APP: variants seen among roughly 807,000 people sequenced by gnomAD.
APP encodes the protein amyloid-beta precursor protein.
A neutral mutation model predicts 101.4 loss-of-function variants in APP; 31 were observed. That is an observed-to-expected ratio of 0.31 (90% CI 0.23 to 0.41). The LOEUF is 0.41. APP is among the 10% of genes least tolerant of loss of function. APP has a pLI of 1.00. For missense variants in APP, 839 were observed against 1,003.7 expected (o/e 0.84, Z 2.22); for synonymous variants, 366 against 364.4 (o/e 1.00, Z -0.05).
At chr21:26,052,057 T>A (rs1213039256) in intron 4 of APP, among the ~76,000 whole-genome samples, 1 of 152,238 alleles carries the variant, frequency 6.6e-6, no homozygotes, top group Non-Finnish European at 1.5e-5. Context: ...CATTTTTACA[T>A]AAAAAACATT....
intron 6 of APP, among the ~76,000 whole-genome samples, chr21:26,017,965 G>A (rs1055377056): frequency 1.3e-5 from 2 of 152,010 alleles, no homozygotes; most frequent in African/African-American, 2.4e-5. Flanking sequence ...ATTTTTTTGA[G>A]ACAGGGTCCC....
chr21:25,917,261 CAAAA>C (rs397867177), intron 13 of APP, among the ~76,000 whole-genome samples: 6 of 64,594 alleles, frequency 9.3e-5, no homozygotes, highest in African/African-American at 2.0e-4. Context: ...ACTCTGTCTC[CAAAA>C]AAAAAAAAAA....
chr21:26,120,487 T>C (rs569135262), intron 1 of APP, among the ~76,000 whole-genome samples: 9 of 152,290 alleles, frequency 5.9e-5, no homozygotes, highest in Non-Finnish European at 1.0e-4. Flanking sequence ...TTATGTAAGG[T>C]AGGATCAGTT....
chr21:25,955,244 T>C (rs975245971), intron 12 of APP, among the ~76,000 whole-genome samples: 2 of 152,204 alleles, frequency 1.3e-5, no homozygotes, highest in Non-Finnish European at 2.9e-5. Flanking sequence ...ACATTATTAC[T>C]GGGCTTCATT....
intron 6 of APP, among the ~76,000 whole-genome samples, chr21:26,005,366 A>G (rs566233781): frequency 6.6e-6 from 1 of 152,298 alleles, no homozygotes; most frequent in African/African-American, 2.4e-5. Context: ...GTGAGCCAAA[A>G]TAGTGCCACT....
intron 15 of APP, among the ~76,000 whole-genome samples, chr21:25,899,397 T>C (rs114452916): frequency 0.014 from 2,104 of 152,290 alleles, 53 homozygotes; most frequent in African/African-American, 0.047. Context: ...AGTGACTTGC[T>C]CTAGTGAACA....
chr21:26,035,753 CAG>C (rs1213232666), intron 5 of APP, among the ~76,000 whole-genome samples: 4 of 152,088 alleles, frequency 2.6e-5, no homozygotes, highest in Non-Finnish European at 5.9e-5. Context: ...GCGCATGTGT[CAG>C]GGAGAGAGAA....
At chr21:25,932,083 C>T (rs1023614357) in intron 13 of APP, among the ~76,000 whole-genome samples, 2 of 152,116 alleles carry the variant, frequency 1.3e-5, no homozygotes, top group African/African-American at 2.4e-5. Flanking sequence ...CAGTGCTTAA[C>T]GTAATAAAAT....
At chr21:25,931,895 G>A (rs1772802409) in intron 13 of APP, among the ~76,000 whole-genome samples, 3 of 152,128 alleles carry the variant, frequency 2.0e-5, no homozygotes, top group Admixed American at 2.0e-4. Flanking sequence ...GGAAGCATCA[G>A]AATGAAAATG....
At chr21:26,106,951 A>G (rs2062196359) in intron 2 of APP, among the ~76,000 whole-genome samples, 1 of 152,180 alleles carries the variant, frequency 6.6e-6, no homozygotes, top group Non-Finnish European at 1.5e-5. Flanking sequence ...ATGTTTTGTC[A>G]CACACACATA....
intron 4 of APP, among the ~76,000 whole-genome samples, chr21:26,052,800 T>A (rs543331470): frequency 6.6e-6 from 1 of 152,124 alleles, no homozygotes; most frequent in African/African-American, 2.4e-5. Context: ...AAATTGTATA[T>A]GACAAAAGAA....
At chr21:25,954,754 C>A in intron 12 of APP, 65 bp from the exon 13 acceptor site, 1 of 1,370,642 alleles carries the variant, frequency 7.3e-7, no homozygotes, top group Non-Finnish European at 1.0e-6. Context: ...CTTTTTCTTT[C>A]TTTTTTTCTT....
chr21:26,087,742 A>T (rs1002856347), intron 3 of APP, among the ~76,000 whole-genome samples: 8 of 152,210 alleles, frequency 5.3e-5, no homozygotes, highest in Admixed American at 5.2e-4. Flanking sequence ...TTAAAAACAT[A>T]AGGTGAGGAC....
chr21:26,036,522 C>T (rs999216739), intron 5 of APP, among the ~76,000 whole-genome samples: 5 of 152,122 alleles, frequency 3.3e-5, no homozygotes, highest in Non-Finnish European at 7.3e-5. Context: ...TTCTGCTGGG[C>T]AGGTAAAGGG....
intron 3 of APP, among the ~76,000 whole-genome samples, chr21:26,057,999 C>T (rs1386525054): frequency 1.3e-5 from 2 of 152,134 alleles, no homozygotes; most frequent in Non-Finnish European, 2.9e-5. Context: ...CATGTCAAAC[C>T]GTGGCTTAAA....
At chr21:25,957,890 A>C (rs1166247777) in intron 11 of APP, among the ~76,000 whole-genome samples, 1 of 152,108 alleles carries the variant, frequency 6.6e-6, no homozygotes, top group African/African-American at 2.4e-5. Context: ...AAGCTTGGTC[A>C]GGAGGATTAT....
intron 13 of APP, among the ~76,000 whole-genome samples, chr21:25,927,378 G>A (rs1755282495): frequency 6.6e-6 from 1 of 152,156 alleles, no homozygotes; most frequent in Non-Finnish European, 1.5e-5. Context: ...TTGTAGTGTA[G>A]CGACCTAGGC....
At chr21:26,083,199 A>G (rs1030208728) in intron 3 of APP, among the ~76,000 whole-genome samples, 2 of 152,246 alleles carry the variant, frequency 1.3e-5, no homozygotes, top group African/African-American at 4.8e-5. Context: ...ACTGTTATAT[A>G]AAAATCAACT....
At chr21:26,163,564 C>T (rs1047266719) in intron 1 of APP, among the ~76,000 whole-genome samples, 4 of 152,352 alleles carry the variant, frequency 2.6e-5, no homozygotes, top group African/African-American at 9.6e-5. Context: ...CTTAATCACT[C>T]CTCACTGTAT....
Sources: allele counts gnomAD v4.1 joint callset (sites outside exome capture counted in the v4.1 genomes callset), GRCh38; gene constraint gnomAD v4.1.1; transcripts MANE v1.5; gene names NCBI Gene and HGNC (gene_info 2026-07-23, HGNC 2026-07-21).